The following RELN variants were observed in gnomAD, a reference collection of about 807,000 sequenced individuals.
RELN encodes the protein reelin.
RELN carries 108 observed loss-of-function variants against 427.6 expected under a neutral mutation model. That is an observed-to-expected ratio of 0.25 (90% confidence interval 0.22 to 0.30). RELN has a LOEUF of 0.30. Ranked by LOEUF, RELN falls within the 10% of genes least tolerant of loss-of-function variation. RELN has a pLI of 1.00. For missense variants in RELN, 3,715 were observed against 4,302.8 expected (o/e 0.86, Z 3.82); for synonymous variants, 1,524 against 1,513.4 (o/e 1.01, Z -0.16).
chr7:103,981,432 G>A (rs970691899), intron 1 of RELN, among the ~76,000 whole-genome samples: 1 of 152,122 alleles, frequency 6.6e-6, no homozygotes, highest in Admixed American at 6.5e-5. Context: ...AAAATATATT[G>A]TCAAAAATTT....
chr7:103,952,422 G>A (rs1362736486), intron 1 of RELN, among the ~76,000 whole-genome samples: 1 of 151,928 alleles, frequency 6.6e-6, no homozygotes, highest in African/African-American at 2.4e-5. Context: ...CTATATTTTA[G>A]GTATTTACTT....
At position 103,496,739 on chromosome 7, in the gene RELN, C is replaced by A. The variant is rs1243542739; in HGVS notation, c.8980G>T (p.Asp2994Tyr). Residue 2994 changes from aspartate to tyrosine, a missense_variant, in exon 56 of 65, where the codon GAT becomes TAT. Asp to Tyr is a radical substitution (Grantham distance 160). Transcript: ENST00000428762. ...GITWTLLHEM[D>Y]YQKYISVRHD... is the part of the protein sequence containing the mutation. The stretch of plus-strand genomic sequence containing the variant: ...CTAACAGAAATGTATTTCTGGTAAT[C>A]CATCTCATGGAGCAAAGTCCAGGTA... 6.2e-6 allele frequency: 10 copies of A among 1,613,904 alleles called. No individual in the cohort carries two copies. Among genetic ancestry groups the A allele is most frequent in the Non-Finnish European group, 8.5e-6 (10 of 1,179,928 alleles).
chr7:103,495,930 A>G, intron 56 of RELN, 32 bp from the exon 57 acceptor site: 1 of 1,610,550 alleles, frequency 6.2e-7, no homozygotes. Flanking sequence ...AATATGGCAT[A>G]TTATTCTCTT....
intron 50 of RELN, among the ~76,000 whole-genome samples, chr7:103,514,620 T>C (rs937290980): frequency 3.3e-5 from 5 of 152,026 alleles, no homozygotes; most frequent in Non-Finnish European, 5.9e-5. Context: ...GATTGTGCCA[T>C]TGTACTCCAG....
At chr7:103,946,920 C>T (rs1287592367) in intron 1 of RELN, among the ~76,000 whole-genome samples, 1 of 152,150 alleles carries the variant, frequency 6.6e-6, no homozygotes, top group Non-Finnish European at 1.5e-5. Flanking sequence ...TTCATGAACT[C>T]CCCTAGACAA....
chr7:103,937,393 C>T (rs1796011102), intron 1 of RELN, among the ~76,000 whole-genome samples: 1 of 152,158 alleles, frequency 6.6e-6, no homozygotes, highest in South Asian at 2.1e-4. Flanking sequence ...TGCCTTTAGG[C>T]TGGGTTTATA....
intron 16 of RELN, among the ~76,000 whole-genome samples, chr7:103,646,242 A>G (rs1006513565): frequency 1.3e-5 from 2 of 151,908 alleles, no homozygotes; most frequent in African/African-American, 4.8e-5. Context: ...CCAAATCCAA[A>G]GCTATCAGAA....
chr7:103,523,178 C>G (rs886169433), intron 47 of RELN, among the ~76,000 whole-genome samples: 2 of 152,130 alleles, frequency 1.3e-5, no homozygotes, highest in South Asian at 4.1e-4. Context: ...CATCTGTCTC[C>G]TGACAAGATA....
intron 46 of RELN, among the ~76,000 whole-genome samples, chr7:103,529,900 C>A (rs531159481): frequency 1.8e-4 from 27 of 152,136 alleles, no homozygotes; most frequent in African/African-American, 6.3e-4. Context: ...GCCATCTCTT[C>A]CTGCTTGTTA....
chr7:103,877,554 G>A (rs754221697), intron 2 of RELN, among the ~76,000 whole-genome samples: 3 of 152,042 alleles, frequency 2.0e-5, no homozygotes, highest in Non-Finnish European at 4.4e-5. Flanking sequence ...GATTACTGCT[G>A]AGTCTCCCTC....
At chr7:103,656,487 T>G (rs1833025391) in intron 12 of RELN, among the ~76,000 whole-genome samples, 1 of 152,020 alleles carries the variant, frequency 6.6e-6, no homozygotes, top group Non-Finnish European at 1.5e-5. Flanking sequence ...GCACACATTC[T>G]CACCCCATTG....
intron 16 of RELN, among the ~76,000 whole-genome samples, chr7:103,642,392 G>C (rs1231923307): frequency 1.3e-5 from 1 of 74,746 alleles, no homozygotes; most frequent in Non-Finnish European, 2.7e-5. Flanking sequence ...AATTTCTCTT[G>C]GGAAGGAGTA....
intron 47 of RELN, 103 bp downstream of exon 47, chr7:103,523,288 T>C (rs1829750908): frequency 7.6e-7 from 1 of 1,318,334 alleles, no homozygotes; most frequent in East Asian, 2.3e-5. Context: ...AATGTATAAC[T>C]TAAGGAAGCA....
chr7:103,926,026 G>A (rs928130399), intron 1 of RELN, among the ~76,000 whole-genome samples: 11 of 148,976 alleles, frequency 7.4e-5, no homozygotes, highest in African/African-American at 2.5e-4. Context: ...TTGAACTCAC[G>A]TAACAAATAA....
chr7:103,772,344 G>A (rs1202042703), intron 4 of RELN, among the ~76,000 whole-genome samples: 1 of 148,836 alleles, frequency 6.7e-6, no homozygotes, highest in Non-Finnish European at 1.5e-5. Context: ...ATGAATGAAT[G>A]AATGCACAAG....
chr7:103,677,914 A>C (rs1452390919), intron 11 of RELN, among the ~76,000 whole-genome samples: 1 of 151,802 alleles, frequency 6.6e-6, no homozygotes, highest in Admixed American at 6.6e-5. Context: ...TTCATTCAAC[A>C]TGTGTTCTGG....
At chr7:103,960,640 G>A (rs78003739) in intron 1 of RELN, among the ~76,000 whole-genome samples, 4,408 of 152,174 alleles carry the variant, frequency 0.029, 74 homozygotes, top group Admixed American at 0.043. Context: ...CCCAAAGCAG[G>A]ATTAGAGCAA....
At chr7:103,983,576 T>G (rs1797036165) in intron 1 of RELN, among the ~76,000 whole-genome samples, 1 of 152,200 alleles carries the variant, frequency 6.6e-6, no homozygotes, top group African/African-American at 2.4e-5. Flanking sequence ...TTGCTTAAAG[T>G]TGATGAGACT....
Position 103,605,452 on chromosome 7 carries a change from C to A in RELN, c.3009-969G>T, listed in dbSNP as rs562624563. Among the ~76,000 whole-genome samples, 34 of 152,184 alleles carry A rather than the reference C, an allele frequency of 2.2e-4. 1 individual carries two copies. The highest frequency in any genetic ancestry group is 7.7e-4 in the African/African-American group (32 of 41,534). On this transcript the variant is annotated intron_variant, in intron 22 of 64. Transcript: ENST00000428762. ...CACTTGGGCCCTTAATTCACTGAAA[C>A]GAAATATAAAGTCCAGAGAAGTGGA...
Sources: gnomAD v4.1 joint callset for allele counts (sites outside exome capture counted in the v4.1 genomes callset) on GRCh38, gnomAD v4.1.1 for gene constraint, MANE v1.5 for transcripts, NCBI Gene and HGNC (gene_info 2026-07-23, HGNC 2026-07-21) for gene names.